PBLD: variants seen among roughly 807,000 people sequenced by gnomAD.
The protein encoded by PBLD is phenazine biosynthesis like protein domain containing.
A neutral mutation model predicts 31.3 loss-of-function variants in PBLD; 26 were observed. The ratio of observed to expected loss-of-function variants is 0.83; its 90% CI spans 0.61 to 1.15. PBLD has a LOEUF of 1.15. PBLD is among the 50% of genes most tolerant of loss of function. The probability of loss-of-function intolerance (pLI) is 0.00; values close to 1 mark genes in which losing one functional copy is unlikely to be tolerated. For synonymous variants in PBLD, 114 were observed against 129.0 expected (o/e 0.88, Z 0.79); for missense variants, 307 against 351.7 (o/e 0.87, Z 1.02).
Position 68,288,473 on chromosome 10 carries a change from T to A in PBLD, c.691+10A>T. The stretch of plus-strand genomic sequence containing the variant: ...TGTTTAACCCTCCCCTGGGCTCAAG[T>A]AAAAAGTACCTGTCACTGGGTCTTC... On this transcript the variant is annotated intron_variant, in intron 8 of 9. Coordinates refer to ENST00000358769, the MANE Select transcript of PBLD (RefSeq NM_022129.4). 6.2e-7 allele frequency: 1 copy of A among 1,611,724 alleles called. No individual in the cohort carries two copies. Among genetic ancestry groups the A allele is most frequent in the Non-Finnish European group, 8.5e-7 (1 of 1,179,196 alleles).
chr10:68,304,284 A>T (rs2134468622), intron 2 of PBLD, among the ~76,000 whole-genome samples: 1 of 152,326 alleles, frequency 6.6e-6, no homozygotes, highest in South Asian at 2.1e-4. Flanking sequence ...GAAAAGCATG[A>T]CAAAGAGGCG....
At position 68,283,887 on chromosome 10, in the gene PBLD, C is replaced by A; in HGVS notation, c.*290G>T. ...TCAGCCTCCCAAGTAGCTGGAATTA[C>A]AGGCATGTGGCACCACACCCAGCTA... On this transcript the variant is annotated 3_prime_UTR_variant, in exon 10 of 10. Coordinates refer to ENST00000358769, the MANE Select transcript of PBLD (RefSeq NM_022129.4). The A allele has an allele frequency of 3.7e-6, 1 of 267,996 alleles. No individual in the cohort carries two copies. Among genetic ancestry groups the A allele is most frequent in the South Asian group, 4.3e-5 (1 of 23,104 alleles). The allele number at this position is 267,996 out of a possible 1,614,324, so 16.6% of individuals were successfully genotyped here.
At chr10:68,325,495 G>A (rs993383054) in intron 1 of PBLD, among the ~76,000 whole-genome samples, 4 of 152,132 alleles carry the variant, frequency 2.6e-5, no homozygotes, top group Non-Finnish European at 5.9e-5. Context: ...AACCTGGGAG[G>A]CAAAGATTGC....
At chr10:68,327,244 A>G (rs2044936229) in intron 1 of PBLD, among the ~76,000 whole-genome samples, 1 of 152,218 alleles carries the variant, frequency 6.6e-6, no homozygotes, top group Non-Finnish European at 1.5e-5. Context: ...TCCATGAAAC[A>G]GTAACTTTGC....
chr10:68,331,579 A>G (rs986245000), intron 1 of PBLD: 1 of 152,058 alleles, frequency 6.6e-6, no homozygotes, highest in Non-Finnish European at 1.5e-5. Flanking sequence ...AAACACTCCT[A>G]TTTTTCACCG....
intron 1 of PBLD, among the ~76,000 whole-genome samples, chr10:68,308,561 T>C (rs2044613449): frequency 7.2e-6 from 1 of 139,276 alleles, no homozygotes; most frequent in South Asian, 2.3e-4. Flanking sequence ...TCTTTCTTTC[T>C]TTTTGGAGAC....
intron 1 of PBLD, among the ~76,000 whole-genome samples, chr10:68,323,715 T>G (rs901619557): frequency 6.6e-6 from 1 of 152,220 alleles, no homozygotes; most frequent in Admixed American, 6.5e-5. Context: ...TAATAGAGTA[T>G]ACTTCCTTTT....
At chr10:68,320,688 A>T (rs932270959) in intron 1 of PBLD, among the ~76,000 whole-genome samples, 1 of 149,908 alleles carries the variant, frequency 6.7e-6, no homozygotes, top group African/African-American at 2.5e-5. Flanking sequence ...TTTTATTTTA[A>T]TTTTTTTTTA....
chr10:68,331,897 C>G (rs773716848), intron 1 of PBLD: 2 of 152,360 alleles, frequency 1.3e-5, no homozygotes, highest in Non-Finnish European at 2.9e-5. Flanking sequence ...TCTGCTCGGT[C>G]TACCTCGCCC....
chr10:68,303,055 A>ATTATTTAT (rs10535286), intron 2 of PBLD, among the ~76,000 whole-genome samples: 3,123 of 149,640 alleles, frequency 0.021, 55 homozygotes, highest in African/African-American at 0.045. Flanking sequence ...GACACCATCA[A>ATTATTTAT]TTATTTATTT....
chr10:68,330,302 T>C (rs1171025824), intron 1 of PBLD, among the ~76,000 whole-genome samples: 1 of 152,164 alleles, frequency 6.6e-6, no homozygotes, highest in African/African-American at 2.4e-5. Context: ...GAAACTTACC[T>C]GTCTCCATCC....
At chr10:68,319,109 AAGGAAAAAG>A (rs1312728563) in intron 1 of PBLD, among the ~76,000 whole-genome samples, 1 of 133,648 alleles carries the variant, frequency 7.5e-6, no homozygotes, top group Non-Finnish European at 1.6e-5. Context: ...GAAAGAAAGA[AAGGAAAAAG>A]AAAGAAAGAG....
At chr10:68,328,766 G>A (rs1389548643) in intron 1 of PBLD, among the ~76,000 whole-genome samples, 2 of 151,894 alleles carry the variant, frequency 1.3e-5, no homozygotes, top group Non-Finnish European at 2.9e-5. Flanking sequence ...CTTATTTACA[G>A]GATTCAACTT....
intron 6 of PBLD, among the ~76,000 whole-genome samples, chr10:68,289,300 G>A (rs957832078): frequency 2.0e-5 from 3 of 152,112 alleles, no homozygotes; most frequent in African/African-American, 4.8e-5. Context: ...GGCTGAGGTA[G>A]GTGGATCACC....
chr10:68,306,567 G>A (rs374443787), intron 2 of PBLD, among the ~76,000 whole-genome samples, 194 bp downstream of exon 2: 4 of 152,094 alleles, frequency 2.6e-5, no homozygotes, highest in South Asian at 2.1e-4. Context: ...TTCATTGGAC[G>A]TACCCAAGGC....
intron 1 of PBLD, among the ~76,000 whole-genome samples, chr10:68,308,473 T>TAGCTTAGCCTAGCCTACCTTAC (rs1464987252): frequency 7.2e-5 from 10 of 138,388 alleles, no homozygotes; most frequent in East Asian, 5.6e-4. Flanking sequence ...TTAGACAGTA[T>TAGCTTAGCCTAGCCTACCTTAC]ATGAGAGTGT....
intron 8 of PBLD, chr10:68,286,978 A>C (rs1180794795): frequency 3.3e-5 from 5 of 152,074 alleles, no homozygotes; most frequent in African/African-American, 1.2e-4. Context: ...AAATACAAAA[A>C]ATTAGCCTGG....
intron 1 of PBLD, among the ~76,000 whole-genome samples, chr10:68,314,217 T>C (rs1357535545): frequency 6.6e-6 from 1 of 152,128 alleles, no homozygotes; most frequent in Admixed American, 6.6e-5. Context: ...CCTCAGGTGA[T>C]CCGCCCACCT....
At position 68,291,874 on chromosome 10, in the gene PBLD, A is replaced by G; in HGVS notation, c.423+136T>C. 5 of 987,162 alleles carry G rather than the reference A, an allele frequency of 5.1e-6. No individual in the cohort carries two copies. The South Asian group carries it at 8.3e-5, about 16-fold the overall frequency. The allele number at this position is 987,162 out of a possible 1,614,324, so 61.2% of individuals were successfully genotyped here. On this transcript the variant is annotated intron_variant, in intron 6 of 9. Coordinates refer to ENST00000358769, the MANE Select transcript of PBLD (RefSeq NM_022129.4). ...GTCAACCTTCTCACCAAATAGACTGAATATTAAAATTCAAACCTGAAACAC... is the reference window on the plus strand; with the variant it reads ...GTCAACCTTCTCACCAAATAGACTGGATATTAAAATTCAAACCTGAAACAC...
Sources: gnomAD v4.1 joint callset for allele counts (sites outside exome capture counted in the v4.1 genomes callset) on GRCh38, gnomAD v4.1.1 for gene constraint, MANE v1.5 for transcripts, NCBI Gene and HGNC (gene_info 2026-07-23, HGNC 2026-07-21) for gene names.